The following PUDP variants were observed in gnomAD, a reference collection of about 807,000 sequenced individuals.
PUDP encodes the protein pseudouridine-5'-phosphatase.
A neutral mutation model predicts 9.4 loss-of-function variants in PUDP; 8 were observed. The ratio of observed to expected loss-of-function variants is 0.85; its 90% CI spans 0.50 to 1.53. The LOEUF (loss-of-function observed/expected upper bound fraction) is 1.53, where lower values mean the gene tolerates loss of function less well. Ranked by LOEUF, PUDP falls within the 40% of genes most tolerant of loss-of-function variation. The pLI is 0.00. For synonymous variants in PUDP, 99 were observed against 80.7 expected, an observed-to-expected ratio of 1.23 and a Z score of -1.22; for missense variants, 188 against 189.7, an observed-to-expected ratio of 0.99 and a Z score of 0.05.
chrX:6,988,475 A>G (rs1929132311), intron 1 of PUDP, among the ~76,000 whole-genome samples: 1 of 112,108 alleles, frequency 8.9e-6, no homozygotes, highest in Non-Finnish European at 1.9e-5. Flanking sequence ...ACTTTTCCAG[A>G]GCTTATATGC....
intron 3 of PUDP, among the ~76,000 whole-genome samples, chrX:6,842,729 G>C (rs1926691179): frequency 9.0e-6 from 1 of 111,457 alleles, no homozygotes; most frequent in Non-Finnish European, 1.9e-5. Context: ...TAGAACAAAA[G>C]TACCAAACAC....
chrX:6,921,480 C>G (rs1342756536), intron 3 of PUDP, among the ~76,000 whole-genome samples: 1 of 111,416 alleles, frequency 9.0e-6, no homozygotes, highest in African/African-American at 3.3e-5. Flanking sequence ...AATTCACTCA[C>G]TCCTTAAAAA....
chrX:7,051,135 A>G (rs761051044), intron 3 of PUDP, among the ~76,000 whole-genome samples: 1 of 111,754 alleles, frequency 8.9e-6, no homozygotes, highest in South Asian at 3.8e-4. Context: ...CTGCAAAGAT[A>G]TGGAACCAAC....
At chrX:6,887,681 G>A (rs976112129) in intron 3 of PUDP, among the ~76,000 whole-genome samples, 17 of 112,042 alleles carry the variant, frequency 1.5e-4, no homozygotes, top group Non-Finnish European at 2.8e-4. Context: ...CTCAGCAAAT[G>A]AGCATCAGTC....
intron 2 of PUDP, among the ~76,000 whole-genome samples, chrX:7,096,042 T>G (rs1485586224): frequency 8.9e-6 from 1 of 112,241 alleles, no homozygotes; most frequent in African/African-American, 3.2e-5. Context: ...ATGTTAGCAC[T>G]GCATGGACTA....
At chrX:7,018,377 G>T (rs1263490205) in intron 1 of PUDP, among the ~76,000 whole-genome samples, 3 of 111,833 alleles carry the variant, frequency 2.7e-5, no homozygotes, top group Non-Finnish European at 3.8e-5. Flanking sequence ...AATAATATAT[G>T]ATTGTAATTT....
chrX:6,712,060 C>T (rs1242125685), intron 1 of PUDP, among the ~76,000 whole-genome samples: 2 of 112,512 alleles, frequency 1.8e-5, no homozygotes, highest in Non-Finnish European at 3.8e-5. Context: ...AAAATAACTG[C>T]ATGCCACCTA....
rs181382654 is a variant in PUDP at position 6,930,663 on chromosome X, A to T, written c.*247+46470T>A. Among the ~76,000 whole-genome samples, 337 of 109,327 alleles carry T rather than the reference A, an allele frequency of 3.1e-3. 6 individuals carry two copies. Among genetic ancestry groups the T allele is most frequent in the Non-Finnish European group, 4.0e-3 (208 of 52,211 alleles). The allele number at this position is 109,327 out of a possible 115,157, so 94.9% of individuals were successfully genotyped here. ...GCCCATGGGGCTGCTCTGCCTATGG[A>T]GTAGCCATTCTTTTGTTCCTTTCTT... On this transcript the variant is annotated intron_variant and NMD_transcript_variant, in intron 3 of 3. Coordinates refer to the PUDP transcript ENST00000655425.
At chrX:7,122,425 C>G (rs1932368550) in intron 1 of PUDP, among the ~76,000 whole-genome samples, 1 of 111,766 alleles carries the variant, frequency 8.9e-6, no homozygotes, top group Non-Finnish European at 1.9e-5. Flanking sequence ...TGAATTGGCT[C>G]TCCCTTCCTG....
chrX:6,932,330 T>A (rs1481530311), intron 3 of PUDP, among the ~76,000 whole-genome samples: 2 of 111,789 alleles, frequency 1.8e-5, no homozygotes, highest in African/African-American at 3.3e-5. Context: ...TGATTAAACG[T>A]GTGAGGCGCG....
At chrX:7,034,854 T>C (rs1436414981) in intron 1 of PUDP, among the ~76,000 whole-genome samples, 3 of 88,916 alleles carry the variant, frequency 3.4e-5, no homozygotes, top group Non-Finnish European at 6.6e-5. Context: ...CATGAAAACC[T>C]GAAACATCCA....
intron 3 of PUDP, among the ~76,000 whole-genome samples, chrX:6,752,383 G>A (rs1925105933): frequency 9.0e-6 from 1 of 111,491 alleles, no homozygotes; most frequent in Admixed American, 9.6e-5. Context: ...TCCTATGGAA[G>A]AGGTGGACTT....
At chrX:6,748,572 T>C (rs888437204) in intron 3 of PUDP, among the ~76,000 whole-genome samples, 1 of 111,236 alleles carries the variant, frequency 9.0e-6, no homozygotes, top group African/African-American at 3.3e-5. Flanking sequence ...TCAGGTTCAG[T>C]TTAACACTTT....
At chrX:6,915,064 A>G (rs772199745) in intron 3 of PUDP, among the ~76,000 whole-genome samples, 1 of 112,138 alleles carries the variant, frequency 8.9e-6, no homozygotes, top group Admixed American at 9.4e-5. Context: ...AAACCCCTTT[A>G]ACTATATTGA....
At chrX:7,023,216 A>G (rs1929657601) in intron 1 of PUDP, among the ~76,000 whole-genome samples, 1 of 112,139 alleles carries the variant, frequency 8.9e-6, no homozygotes, top group South Asian at 3.7e-4. Flanking sequence ...GTCTCCAGGT[A>G]ACTTAACCCA....
intron 3 of PUDP, among the ~76,000 whole-genome samples, chrX:6,749,199 C>T (rs1045084679): frequency 2.7e-5 from 3 of 111,811 alleles, no homozygotes; most frequent in African/African-American, 9.8e-5. Context: ...GGACTTGAGA[C>T]GAATTGGAGT....
At position 6,823,980 on chromosome X, in the gene PUDP, T is replaced by A. The variant is rs182835232; in HGVS notation, c.*248-117514A>T. 2.7e-5 allele frequency among the ~76,000 whole-genome samples: 3 copies of A among 112,496 alleles called. No homozygotes were observed. In the East Asian group the frequency reaches 8.5e-4, roughly 32 times the overall value. On this transcript the variant is annotated intron_variant and NMD_transcript_variant, in intron 3 of 3. Transcript: ENST00000655425. ...CATTGCCATCTTGGTTTTGGTGGGT[T>A]TTGGCCGGCTTCTTTATCTGTTTTA... is the stretch of plus-strand genomic sequence containing the variant.
rs1311955784 is a variant in PUDP, at chrX:6,940,946, C to T, written c.*247+36187G>A. On this transcript the variant is annotated intron_variant and NMD_transcript_variant, in intron 3 of 3. Transcript: ENST00000655425. ...CAGAGTTGGCAAAAACTGACAAAAACCTTATATATTATTTTAAAGCAATTT... is the reference window on the plus strand; with the variant it reads ...CAGAGTTGGCAAAAACTGACAAAAATCTTATATATTATTTTAAAGCAATTT... 2.7e-5 allele frequency among the ~76,000 whole-genome samples: 3 copies of T among 111,852 alleles called. No homozygotes were observed. In the Admixed American group the frequency reaches 2.9e-4, roughly 11 times the overall value.
intron 3 of PUDP, among the ~76,000 whole-genome samples, chrX:6,761,210 T>C (rs764845702): frequency 4.5e-5 from 5 of 112,021 alleles, no homozygotes; most frequent in Middle Eastern, 4.6e-3. Flanking sequence ...GCATTATTCC[T>C]GTACGGTCTT....
Sources: gnomAD v4.1 joint callset for allele counts (sites outside exome capture counted in the v4.1 genomes callset) on GRCh38, gnomAD v4.1.1 for gene constraint, MANE v1.5 for transcripts, NCBI Gene and HGNC (gene_info 2026-07-23, HGNC 2026-07-21) for gene names.